NBEA: variants seen among roughly 807,000 people sequenced by gnomAD.
NBEA encodes the protein neurobeachin.
Under a neutral mutation model 343.4 loss-of-function variants are expected in NBEA, and 44 were observed. The observed-to-expected ratio is 0.13, with a 90% CI of 0.10 to 0.16. The LOEUF is 0.16. Among genes scored for constraint, NBEA ranks in the 10% least tolerant of loss-of-function variants. The pLI, the probability that NBEA is intolerant of heterozygous loss-of-function variation, is 1.00. For synonymous variants in NBEA, 1,175 were observed against 1,238.7 expected, an observed-to-expected ratio of 0.95 and a Z score of 1.08; for missense variants, 2,555 against 3,631.3, an observed-to-expected ratio of 0.70 and a Z score of 7.62.
Position 34,962,287 on chromosome 13 carries a change from T to C in NBEA, c.294+19173T>C, listed in dbSNP as rs181770484. Among the ~76,000 whole-genome samples, 7 of 152,200 alleles carry C rather than the reference T, an allele frequency of 4.6e-5. No individual in the cohort carries two copies. In the East Asian group the frequency reaches 1.2e-3, roughly 25 times the overall value. On this transcript the variant is annotated intron_variant, in intron 1 of 58. Transcript: ENST00000379939. ...CTATGTGTGCATATGTGTGTACATA[T>C]GTGTCTATATATACACACACATAAC...
intron 49 of NBEA, among the ~76,000 whole-genome samples, chr13:35,643,918 G>C (rs1285916903): frequency 6.6e-6 from 1 of 152,162 alleles, no homozygotes; most frequent in Non-Finnish European, 1.5e-5. Context: ...CCCTTAAAGT[G>C]GGAAAGGACA....
intron 16 of NBEA, among the ~76,000 whole-genome samples, chr13:35,120,190 A>G (rs1220256618): frequency 6.6e-6 from 1 of 152,204 alleles, no homozygotes; most frequent in Non-Finnish European, 1.5e-5. Context: ...ATTTTGACAC[A>G]TCGGAAATAT....
intron 8 of NBEA, among the ~76,000 whole-genome samples, chr13:35,068,154 T>G (rs2063725680): frequency 6.6e-6 from 1 of 152,160 alleles, no homozygotes; most frequent in Non-Finnish European, 1.5e-5. Flanking sequence ...ATTATACACT[T>G]TTTTTAAACC....
chr13:35,577,256 A>C (rs1274273945), intron 45 of NBEA, among the ~76,000 whole-genome samples: 1 of 152,178 alleles, frequency 6.6e-6, no homozygotes, highest in Non-Finnish European at 1.5e-5. Flanking sequence ...TATGATTGAC[A>C]GGTCTAGATC....
chr13:35,069,332 A>T (rs1226813568), intron 8 of NBEA, among the ~76,000 whole-genome samples: 1 of 152,142 alleles, frequency 6.6e-6, no homozygotes, highest in African/African-American at 2.4e-5. Context: ...GCATAGGTTT[A>T]GTTCTTGTGT....
chr13:35,406,536 C>T (rs575938370), intron 38 of NBEA, among the ~76,000 whole-genome samples: 2 of 152,062 alleles, frequency 1.3e-5, no homozygotes, highest in Non-Finnish European at 1.5e-5. Context: ...CTCCCACTTA[C>T]GAGTGAGAAC....
chr13:35,010,697 C>A (rs1323619521), intron 1 of NBEA, among the ~76,000 whole-genome samples: 1 of 126,200 alleles, frequency 7.9e-6, no homozygotes, highest in Non-Finnish European at 1.6e-5. Flanking sequence ...CAAGACCAGC[C>A]TGGACAACAT....
chr13:35,540,691 G>A (rs895678869), intron 41 of NBEA, among the ~76,000 whole-genome samples: 1 of 152,134 alleles, frequency 6.6e-6, no homozygotes, highest in East Asian at 1.9e-4. Flanking sequence ...AACAAAAATT[G>A]AGTTCCTTCT....
intron 31 of NBEA, among the ~76,000 whole-genome samples, chr13:35,204,316 A>G (rs1227413333): frequency 6.6e-6 from 1 of 152,156 alleles, no homozygotes. Context: ...CTGGGAAGGA[A>G]TAAAAGGTTT....
At chr13:35,260,604 A>C (rs760190288) in intron 34 of NBEA, among the ~76,000 whole-genome samples, 4 of 152,232 alleles carry the variant, frequency 2.6e-5, no homozygotes, top group Non-Finnish European at 5.9e-5. Context: ...TATGGAGCAG[A>C]ATTTTGTGGA....
At position 35,159,186 on chromosome 13, in the gene NBEA, T is replaced by C; in HGVS notation, c.3015T>C (p.Asp1005=). 2 of 1,613,566 alleles carry C rather than the reference T, an allele frequency of 1.2e-6. No homozygotes were observed. The highest frequency in any genetic ancestry group is 1.7e-6 in the Non-Finnish European group (2 of 1,179,654). ...KGGMEIREIE[D]LSQSQSPESE... Reference sequence around the variant, plus strand: ...GAATGGAAATTCGAGAGATAGAAGATCTTTCACAAAGCCAGAGCCCAGAAA... The same window carrying C: ...GAATGGAAATTCGAGAGATAGAAGACCTTTCACAAAGCCAGAGCCCAGAAA... Residue 1005 remains aspartate, a synonymous_variant, in exon 22 of 59, where the codon GAT becomes GAC. Coordinates refer to ENST00000379939, the MANE Select transcript of NBEA (RefSeq NM_001385012.1).
intron 17 of NBEA, among the ~76,000 whole-genome samples, chr13:35,141,032 C>A (rs994742277): frequency 6.6e-6 from 1 of 152,080 alleles, no homozygotes; most frequent in African/African-American, 2.4e-5. Flanking sequence ...TAAAAATAAT[C>A]TACAACTTTT....
At chr13:35,540,687 A>G (rs1375207551) in intron 41 of NBEA, among the ~76,000 whole-genome samples, 1 of 152,164 alleles carries the variant, frequency 6.6e-6, no homozygotes, top group African/African-American at 2.4e-5. Context: ...GCTCAACAAA[A>G]ATTGAGTTCC....
At chr13:35,218,578 C>T (rs1468420819) in intron 33 of NBEA, among the ~76,000 whole-genome samples, 1 of 151,856 alleles carries the variant, frequency 6.6e-6, no homozygotes, top group Non-Finnish European at 1.5e-5. Flanking sequence ...TTTTTAAATT[C>T]TTCATCTCAG....
intron 35 of NBEA, among the ~76,000 whole-genome samples, chr13:35,296,713 AT>A (rs1392692786): frequency 5.9e-5 from 9 of 151,990 alleles, no homozygotes; most frequent in Admixed American, 2.6e-4. Flanking sequence ...TTTCAGACAA[AT>A]TACAACAACT....
intron 41 of NBEA, among the ~76,000 whole-genome samples, chr13:35,538,239 A>G (rs1377422975): frequency 6.6e-6 from 1 of 152,198 alleles, no homozygotes; most frequent in Non-Finnish European, 1.5e-5. Context: ...AAATTTGTTT[A>G]TGTTTCATAT....
rs757266492 is a variant in NBEA at position 35,159,706 on chromosome 13, G to A, written c.3535G>A (p.Gly1179Ser). 5.0e-6 allele frequency: 8 copies of A among 1,612,928 alleles called. No homozygotes were observed. The East Asian group carries it at 1.6e-4, about 32-fold the overall frequency. The change falls in exon 22 of 59, where the codon GGT (glycine) becomes AGT (serine). Residue 1179 changes from glycine (G) to serine (S), a missense_variant. Gly to Ser is a moderately conservative substitution (Grantham distance 56). Coordinates refer to ENST00000379939, the MANE Select transcript of NBEA (RefSeq NM_001385012.1). ...TATTCAGGACACACAAGTACATCTT[G>A]GTGTTAGTGATGATCTTGGATTGCT... ...PNIQDTQVHL[G>S]VSDDLGLLAH... is the part of the protein sequence containing the mutation.
At chr13:35,045,446 G>A in intron 4 of NBEA, 45 bp downstream of exon 4, 3 of 1,434,392 alleles carry the variant, frequency 2.1e-6, no homozygotes, top group Non-Finnish European at 2.9e-6. Context: ...TTTATTTTTA[G>A]GTCACCTTTA....
At chr13:35,616,942 T>A (rs1284530473) in intron 48 of NBEA, among the ~76,000 whole-genome samples, 1 of 152,236 alleles carries the variant, frequency 6.6e-6, no homozygotes, top group Non-Finnish European at 1.5e-5. Flanking sequence ...TGTAAATACA[T>A]ATTAATCCAG....
Sources: allele counts gnomAD v4.1 joint callset (sites outside exome capture counted in the v4.1 genomes callset), GRCh38; gene constraint gnomAD v4.1.1; transcripts MANE v1.5; gene names NCBI Gene and HGNC (gene_info 2026-07-23, HGNC 2026-07-21).